Variants in ATP11B observed in about 807,000 individuals in gnomAD.
The protein encoded by ATP11B is ATPase phospholipid transporting 11B (putative).
Under a neutral mutation model 157.8 loss-of-function variants are expected in ATP11B, and 81 were observed. That is an observed-to-expected ratio of 0.51 (90% CI 0.43 to 0.62). The LOEUF (loss-of-function observed/expected upper bound fraction) is 0.62. ATP11B is among the 20% of genes least tolerant of loss of function. ATP11B has a pLI of 0.00. For synonymous variants in ATP11B, 451 were observed against 469.4 expected, an observed-to-expected ratio of 0.96 and a Z score of 0.51; for missense variants, 1,165 against 1,402.2, an observed-to-expected ratio of 0.83 and a Z score of 2.70.
intron 25 of ATP11B, 125 bp from the exon 26 acceptor site, chr3:182,896,575 C>CA: frequency 1.4e-6 from 1 of 738,334 alleles, no homozygotes; most frequent in Admixed American, 2.1e-5. Flanking sequence ...TGAGTATAGT[C>CA]ACCAGTTTCA....
chr3:182,909,063 A>G (rs981621977), intron 28 of ATP11B, among the ~76,000 whole-genome samples: 2 of 152,236 alleles, frequency 1.3e-5, no homozygotes, highest in Non-Finnish European at 2.9e-5. Context: ...ATTTGATAGA[A>G]TGTCATAGGT....
intron 28 of ATP11B, chr3:182,902,496 G>C (rs1724035225): frequency 7.8e-7 from 1 of 1,289,390 alleles, no homozygotes; most frequent in Admixed American, 2.3e-5. Context: ...CTCCAACACA[G>C]TTGCTTTAAG....
intron 10 of ATP11B, among the ~76,000 whole-genome samples, chr3:182,853,276 C>T (rs1201385085): frequency 6.6e-6 from 1 of 152,086 alleles, no homozygotes; most frequent in East Asian, 1.9e-4. Context: ...GGTGCGATCT[C>T]GGCTCTCTGC....
At chr3:182,879,725 A>G (rs1164582512) in intron 20 of ATP11B, 76 bp downstream of exon 20, 6 of 1,348,554 alleles carry the variant, frequency 4.4e-6, no homozygotes, top group Non-Finnish European at 6.0e-6. Context: ...AATGCCTTAC[A>G]TAGTTCCATT....
intron 10 of ATP11B, among the ~76,000 whole-genome samples, chr3:182,853,448 C>T (rs1381589468): frequency 8.5e-5 from 13 of 152,074 alleles, no homozygotes; most frequent in Non-Finnish European, 1.2e-4. Flanking sequence ...CCTCTTGATC[C>T]GCCTACCTCG....
chr3:182,876,339 A>G (rs1417103669), intron 19 of ATP11B, among the ~76,000 whole-genome samples: 2 of 152,232 alleles, frequency 1.3e-5, no homozygotes, highest in Non-Finnish European at 2.9e-5. Context: ...TTTGTAATTT[A>G]GGCTATTTTC....
Position 182,920,788 on chromosome 3 carries a change from G to A in ATP11B, c.*2684G>A, listed in dbSNP as rs140931642. 4 of 152,348 alleles carry A rather than the reference G, an allele frequency of 2.6e-5. No homozygotes were observed. In the East Asian group the frequency reaches 5.8e-4, roughly 22 times the overall value. The allele number at this position is 152,348 out of a possible 1,614,324, so 9.4% of individuals were successfully genotyped here. A position where few individuals can be genotyped will look rare whatever the true frequency, so the allele number is the denominator to read the frequency against. On this transcript the variant is annotated 3_prime_UTR_variant, in exon 30 of 30. Transcript: ENST00000323116. ...ATGGGCCAGGGAGAACTACAGCTAC[G>A]AAGACCTGCTGTCGAGTTGAGAAAA...
rs1723578762 is a variant in ATP11B at position 182,896,771 on chromosome 3, G to A, written c.3048+6G>A. ...TTATTACAGTCACAGTAAAGGTATG[G>A]TACTGAAATTAGAAATGTGGACACA... On this transcript the variant is annotated splice_donor_region_variant and intron_variant, in intron 26 of 29. Transcript: ENST00000323116. 10 of 1,609,380 alleles carry A rather than the reference G, an allele frequency of 6.2e-6. No homozygotes were observed. Among genetic ancestry groups the A allele is most frequent in the Non-Finnish European group, 8.5e-6 (10 of 1,176,698 alleles).
chr3:182,801,788 T>A (rs1056076745), intron 1 of ATP11B, among the ~76,000 whole-genome samples: 6 of 152,246 alleles, frequency 3.9e-5, no homozygotes, highest in African/African-American at 1.4e-4. Context: ...CATCAGTGAT[T>A]ATTAATATAA....
chr3:182,837,105 A>G lies in ATP11B; in HGVS notation c.587A>G (p.Gln196Arg). The change falls in exon 7 of 30, where the codon CAA (glutamine) becomes CGA (arginine). Residue 196 changes from glutamine to arginine, a missense_variant. Coordinates refer to ENST00000323116, the MANE Select transcript of ATP11B (RefSeq NM_014616.3). Reference sequence around the variant, plus strand: ...GCAGTTCCAGAAACAGCATTATTACAAACAGTTGCCAATTTGGACACTCTA... The same window carrying G: ...GCAGTTCCAGAAACAGCATTATTACGAACAGTTGCCAATTTGGACACTCTA... ...HVAVPETALLQTVANLDTLVA... is the reference protein window; with the variant it reads ...HVAVPETALLRTVANLDTLVA... 2 of 1,613,500 alleles carry G rather than the reference A, an allele frequency of 1.2e-6. No homozygotes were observed. The highest frequency in any genetic ancestry group is 1.7e-6 in the Non-Finnish European group (2 of 1,179,610).
At chr3:182,815,030 A>G (rs921697332) in intron 1 of ATP11B, among the ~76,000 whole-genome samples, 1 of 152,184 alleles carries the variant, frequency 6.6e-6, no homozygotes, top group Non-Finnish European at 1.5e-5. Flanking sequence ...TCCTGGAGCC[A>G]GAGATGAGCT....
At chr3:182,867,321 T>A in intron 14 of ATP11B, 55 bp from the exon 15 acceptor site, 1 of 1,000,734 alleles carries the variant, frequency 1.0e-6, no homozygotes. Flanking sequence ...AGTGACATTG[T>A]GAAATATGCA....
At chr3:182,817,132 A>G (rs1265844074) in intron 1 of ATP11B, among the ~76,000 whole-genome samples, 4 of 152,166 alleles carry the variant, frequency 2.6e-5, no homozygotes. Flanking sequence ...GCATAGGTAG[A>G]TATTATATCA....
At chr3:182,889,311 A>T (rs1033680112) in intron 24 of ATP11B, 99 bp from the exon 25 acceptor site, 1 of 884,276 alleles carries the variant, frequency 1.1e-6, no homozygotes. Context: ...TTTAAATTAA[A>T]AATCTATCTT....
chr3:182,862,286 A>C (rs1720901194), intron 12 of ATP11B, among the ~76,000 whole-genome samples: 1 of 152,048 alleles, frequency 6.6e-6, no homozygotes, highest in African/African-American at 2.4e-5. Context: ...GTCTAAAAAA[A>C]AAAAACAAAA....
At chr3:182,841,988 A>AAAAAAAAAAAC in intron 7 of ATP11B, 87 bp from the exon 8 acceptor site, 1 of 856,990 alleles carries the variant, frequency 1.2e-6, no homozygotes, top group Non-Finnish European at 1.8e-6. Context: ...AAAAAAAAAA[A>AAAAAAAAAAAC]AAAAAAAAAC....
At chr3:182,906,096 T>G (rs915578847) in intron 28 of ATP11B, among the ~76,000 whole-genome samples, 15 of 152,226 alleles carry the variant, frequency 9.9e-5, no homozygotes, top group Non-Finnish European at 2.9e-5. Context: ...TTTTCATATG[T>G]CCATCCCTGA....
intron 25 of ATP11B, among the ~76,000 whole-genome samples, chr3:182,892,143 C>CT (rs1723217042): frequency 6.6e-6 from 1 of 152,164 alleles, no homozygotes. Flanking sequence ...ATGCTAATCT[C>CT]TAATTCTAAA....
chr3:182,809,616 G>A (rs931509076), intron 1 of ATP11B, among the ~76,000 whole-genome samples: 6 of 152,090 alleles, frequency 3.9e-5, no homozygotes, highest in African/African-American at 1.4e-4. Context: ...TTGCTTGCTG[G>A]GTTCCAATAT....
Sources: gnomAD v4.1 joint callset for allele counts (sites outside exome capture counted in the v4.1 genomes callset) on GRCh38, gnomAD v4.1.1 for gene constraint, MANE v1.5 for transcripts, NCBI Gene and HGNC (gene_info 2026-07-23, HGNC 2026-07-21) for gene names.